PHC2: variants seen among roughly 807,000 people sequenced by gnomAD.
PHC2 encodes polyhomeotic homolog 2, also known as polyhomeotic-like protein 2.
In PHC2, 29 loss-of-function variants were observed where a neutral mutation model predicts 87.4. The observed-to-expected ratio is 0.33, with a 90% CI of 0.25 to 0.45. The LOEUF is 0.45. Among genes scored for constraint, PHC2 ranks in the 20% least tolerant of loss-of-function variants. The pLI, the probability that PHC2 is intolerant of heterozygous loss-of-function variation, is 1.00. For synonymous variants in PHC2, 438 were observed against 461.7 expected (o/e 0.95, Z 0.66); for missense variants, 857 against 1,136.7 (o/e 0.75, Z 3.54).
In PHC2 at chr1:33,415,073, C is replaced by G. The variant is rs1371168025; in HGVS notation, c.-55+15903G>C. 2.0e-5 allele frequency among the ~76,000 whole-genome samples: 3 copies of G among 152,160 alleles called. No individual in the cohort carries two copies. The East Asian group carries it at 5.8e-4, about 29-fold the overall frequency. On this transcript the variant is annotated intron_variant, in intron 1 of 14. Coordinates refer to ENST00000683057, the MANE Select transcript of PHC2 (RefSeq NM_001385109.1). ...TACGAGTGTACCAGTTTACTGCCTACAGACAGTTCCTGGATGCAGTACAGG... is the reference window on the plus strand; with the variant it reads ...TACGAGTGTACCAGTTTACTGCCTAGAGACAGTTCCTGGATGCAGTACAGG...
intron 7 of PHC2, among the ~76,000 whole-genome samples, chr1:33,359,248 C>A (rs1183370146): frequency 6.6e-6 from 1 of 152,120 alleles, no homozygotes; most frequent in African/African-American, 2.4e-5. Flanking sequence ...CTTGTTTATC[C>A]TACAAGACTT....
intron 1 of PHC2, among the ~76,000 whole-genome samples, chr1:33,398,015 C>G (rs1158634353): frequency 6.6e-6 from 1 of 152,156 alleles, no homozygotes; most frequent in Non-Finnish European, 1.5e-5. Context: ...AATAATATTA[C>G]AAGAATGCCT....
At chr1:33,343,156 CTG>C (rs1464537398) in intron 9 of PHC2, among the ~76,000 whole-genome samples, 1 of 152,104 alleles carries the variant, frequency 6.6e-6, no homozygotes, top group Non-Finnish European at 1.5e-5. Context: ...GCAGTTAAGA[CTG>C]TGGGATTAGA....
At chr1:33,394,307 AAAAGT>A in intron 1 of PHC2, among the ~76,000 whole-genome samples, 1 of 152,302 alleles carries the variant, frequency 6.6e-6, no homozygotes, top group Middle Eastern at 3.4e-3. Context: ...AAAGAAAAAA[AAAAGT>A]AAAGGAAAAA....
chr1:33,337,801 A>T (rs533294877), intron 9 of PHC2, among the ~76,000 whole-genome samples: 1 of 152,328 alleles, frequency 6.6e-6, no homozygotes, highest in East Asian at 1.9e-4. Flanking sequence ...TTTTAACATC[A>T]GGTACCTAGT....
At position 33,368,050 on chromosome 1, in the gene PHC2, G is replaced by C. The variant is rs531833143; in HGVS notation, c.663+486C>G. Among the ~76,000 whole-genome samples the C allele has an allele frequency of 9.2e-5, 14 of 152,304 alleles. No individual in the cohort carries two copies. The South Asian group carries it at 2.9e-3, about 32-fold the overall frequency. ...TAGATGAGGATGGGGAGATGCGAGT[G>C]CTAGGGGTTCCTTCCCCGGCTGCCC... On this transcript the variant is annotated intron_variant, in intron 6 of 14. Coordinates refer to ENST00000683057, the MANE Select transcript of PHC2 (RefSeq NM_001385109.1). The surrounding 1 kb of genome is among the most constrained non-coding windows in gnomAD (Gnocchi z 6.6).
At chr1:33,404,240 A>C (rs1290084516) in intron 1 of PHC2, among the ~76,000 whole-genome samples, 2 of 152,206 alleles carry the variant, frequency 1.3e-5, no homozygotes, top group African/African-American at 4.8e-5. Context: ...GATTAAAACA[A>C]ATAGGCTTTT....
intron 9 of PHC2, among the ~76,000 whole-genome samples, chr1:33,350,717 C>G (rs1363107137): frequency 3.3e-5 from 5 of 152,104 alleles, no homozygotes; most frequent in Admixed American, 6.5e-5. Flanking sequence ...CTTCTCCCCC[C>G]ACCCCTTTCC....
In PHC2 at chr1:33,373,127, T is replaced by C. The variant is rs2148330550; in HGVS notation, c.175-680A>G. 1.3e-5 allele frequency among the ~76,000 whole-genome samples: 2 copies of C among 151,568 alleles called. 1 individual carries two copies. Among genetic ancestry groups the C allele is most frequent in the Middle Eastern group, 6.8e-3 (2 of 294 alleles). On this transcript the variant is annotated intron_variant, in intron 2 of 14. Transcript: ENST00000683057. ...GCACACTCCCCTTTTATTCTTTTTT[T>C]TGGAGGGGGGATGGAGTTTCGCTCT...
At chr1:33,347,601 A>C in intron 9 of PHC2, 1 of 985,438 alleles carries the variant, frequency 1.0e-6, no homozygotes, top group Non-Finnish European at 1.2e-6. Context: ...CAGGAGAGAA[A>C]ACATAGTTGG....
chr1:33,349,371 C>T lies in PHC2; in HGVS notation c.1558+5030G>A. ...CGGAAGCTGCGGCGCGCCGAGGTGA[C>T]ACGGCTTCCAGGGGCGACGGGCGCG... On this transcript the variant is annotated intron_variant, in intron 9 of 14. Transcript: ENST00000683057. The surrounding 1 kb of genome is among the most constrained non-coding windows in gnomAD (Gnocchi z 4.2). The T allele has an allele frequency of 1.0e-6, 1 of 985,400 alleles. No individual in the cohort carries two copies. Among genetic ancestry groups the T allele is most frequent in the Non-Finnish European group, 1.2e-6 (1 of 829,948 alleles). 61.0% of individuals were successfully genotyped at this position (985,400 alleles called of 1,614,324 possible). A position where few individuals can be genotyped will look rare whatever the true frequency, so the allele number is the denominator to read the frequency against.
At chr1:33,414,768 T>C (rs1199443240) in intron 1 of PHC2, among the ~76,000 whole-genome samples, 2 of 152,242 alleles carry the variant, frequency 1.3e-5, no homozygotes, top group African/African-American at 4.8e-5. Flanking sequence ...AGAATTTTGT[T>C]ACTTTAAATG....
rs112959337 is a variant in PHC2, at chr1:33,367,054, C to A, written c.976+62G>T. On this transcript the variant is annotated intron_variant, in intron 7 of 14. Transcript: ENST00000683057. ...ATGGGAAAAAGGAAAGTGTGAAAGT[C>A]TCCTCCTGACTCACGGCCCTGAGTT... 11 of 1,392,426 alleles carry A rather than the reference C, an allele frequency of 7.9e-6. 1 individual carries two copies. In the African/African-American group the frequency reaches 1.0e-4, roughly 13 times the overall value. The allele number at this position is 1,392,426 out of a possible 1,614,324, so 86.3% of individuals were successfully genotyped here.
In PHC2 at chr1:33,331,234, A is replaced by C. The variant is rs1298245493; in HGVS notation, c.2006+114T>G. 7.5e-6 allele frequency: 2 copies of C among 268,190 alleles called. No individual in the cohort carries two copies. Among genetic ancestry groups the C allele is most frequent in the African/African-American group, 5.0e-5 (2 of 40,096 alleles). 16.6% of individuals were successfully genotyped at this position (268,190 alleles called of 1,614,324 possible). A position where few individuals can be genotyped will look rare whatever the true frequency, so the allele number is the denominator to read the frequency against. On this transcript the variant is annotated intron_variant, in intron 12 of 14. Coordinates refer to ENST00000683057, the MANE Select transcript of PHC2 (RefSeq NM_001385109.1). The surrounding 1 kb of genome is among the most constrained non-coding windows in gnomAD (Gnocchi z 5.2). ...CATCCTGCTTCCAGGTGGGTCGAGG[A>C]ACTAGGAAACTGGAGAAGCCACCCC...
chr1:33,356,582 CAT>C (rs1242962187), intron 7 of PHC2, among the ~76,000 whole-genome samples: 3 of 152,064 alleles, frequency 2.0e-5, no homozygotes, highest in Non-Finnish European at 2.9e-5. Flanking sequence ...GGACACAGCA[CAT>C]GTTTCAGAGA....
chr1:33,355,290 G>C (rs1313192059), intron 7 of PHC2, 37 bp from the exon 8 acceptor site: 1 of 1,508,280 alleles, frequency 6.6e-7, no homozygotes, highest in African/African-American at 1.4e-5. Flanking sequence ...AGCATGGCTT[G>C]ACCTTCTCTT....
At position 33,416,893 on chromosome 1, in the gene PHC2, G is replaced by A. The variant is rs187456599; in HGVS notation, c.-55+14083C>T. Among the ~76,000 whole-genome samples the A allele has an allele frequency of 5.3e-5, 8 of 152,046 alleles. No homozygotes were observed. In the East Asian group the frequency reaches 9.7e-4, roughly 18 times the overall value. ...ATAGGTGAGTAAATATAAAGGTCACGTTTCCTCATTTTTTACATATCTTTA... is the reference window on the plus strand; with the variant it reads ...ATAGGTGAGTAAATATAAAGGTCACATTTCCTCATTTTTTACATATCTTTA... On this transcript the variant is annotated intron_variant, in intron 1 of 14. Coordinates refer to ENST00000683057, the MANE Select transcript of PHC2 (RefSeq NM_001385109.1).
intron 2 of PHC2, among the ~76,000 whole-genome samples, chr1:33,374,475 G>A (rs1296301869): frequency 6.6e-6 from 1 of 152,204 alleles, no homozygotes; most frequent in African/African-American, 2.4e-5. Context: ...GGAGAGGGAA[G>A]AGTCCAGGGT....
chr1:33,374,995 CA>C (rs1372697146), intron 2 of PHC2, among the ~76,000 whole-genome samples: 1 of 152,182 alleles, frequency 6.6e-6, no homozygotes, highest in Non-Finnish European at 1.5e-5. Context: ...GCTGCAATGA[CA>C]AAGGATTATT....
Sources: gnomAD v4.1 joint callset for allele counts (sites outside exome capture counted in the v4.1 genomes callset) on GRCh38, gnomAD v4.1.1 for gene constraint, Gnocchi (gnomAD v3.1) non-coding constraint, MANE v1.5 for transcripts, NCBI Gene and HGNC (gene_info 2026-07-23, HGNC 2026-07-21) for gene names.